Variants in PSME4 observed in about 807,000 individuals in gnomAD.
PSME4 encodes proteasome activator subunit 4.
Under a neutral mutation model 253.9 loss-of-function variants are expected in PSME4, and 89 were observed. That is an observed-to-expected ratio of 0.35 (90% CI 0.30 to 0.42). PSME4 has a LOEUF of 0.42. PSME4 is among the 10% of genes least tolerant of loss of function. The pLI, the probability that PSME4 is intolerant of heterozygous loss-of-function variation, is 1.00. For synonymous variants in PSME4, 851 were observed against 759.2 expected (o/e 1.12, Z -1.99); for missense variants, 2,014 against 2,195.2 (o/e 0.92, Z 1.65).
At chr2:53,879,397 A>G (rs191601726) in intron 41 of PSME4, among the ~76,000 whole-genome samples, 1 of 152,336 alleles carries the variant, frequency 6.6e-6, no homozygotes, top group Admixed American at 6.5e-5. Flanking sequence ...TCTTCAGAAA[A>G]AAAGCAAAAG....
At chr2:53,939,641 C>G (rs1167601566) in intron 4 of PSME4, among the ~76,000 whole-genome samples, 1 of 152,116 alleles carries the variant, frequency 6.6e-6, no homozygotes, top group Non-Finnish European at 1.5e-5. Flanking sequence ...AAGTTATGAA[C>G]CACCTTCTTG....
Position 53,875,622 on chromosome 2 carries a change from C to A in PSME4, c.4944+5G>T. 1 of 1,599,352 alleles carries A rather than the reference C, an allele frequency of 6.3e-7. No homozygotes were observed. Among genetic ancestry groups the A allele is most frequent in the Non-Finnish European group, 8.5e-7 (1 of 1,175,794 alleles). Reference sequence around the variant, plus strand: ...AAAAGACATAAATATTATAAACACTCTTACTTGTTTTAGCACCTGAAGTAC... The same window carrying A: ...AAAAGACATAAATATTATAAACACTATTACTTGTTTTAGCACCTGAAGTAC... On this transcript the variant is annotated splice_donor_5th_base_variant and intron_variant, in intron 42 of 46. Transcript: ENST00000404125.
At chr2:53,915,888 T>C (rs925462106) in intron 20 of PSME4, among the ~76,000 whole-genome samples, 1 of 151,986 alleles carries the variant, frequency 6.6e-6, no homozygotes, top group African/African-American at 2.4e-5. Flanking sequence ...CTGGCCAACA[T>C]GGTGAAACCC....
At chr2:53,935,624 A>C (rs1040236979) in intron 7 of PSME4, among the ~76,000 whole-genome samples, 1 of 152,218 alleles carries the variant, frequency 6.6e-6, no homozygotes, top group Non-Finnish European at 1.5e-5. Flanking sequence ...GAAGGTACAA[A>C]TGTATGATGC....
intron 1 of PSME4, among the ~76,000 whole-genome samples, chr2:53,965,813 G>A (rs1573390348): frequency 1.3e-5 from 2 of 151,936 alleles, no homozygotes; most frequent in African/African-American, 4.8e-5. Flanking sequence ...GGGACTACAG[G>A]CACCCGCCAT....
intron 44 of PSME4, among the ~76,000 whole-genome samples, chr2:53,868,338 G>C (rs914972258): frequency 6.6e-6 from 1 of 151,020 alleles, no homozygotes; most frequent in African/African-American, 2.4e-5. Flanking sequence ...TGCAATCCTA[G>C]CTACTCGGCT....
intron 1 of PSME4, among the ~76,000 whole-genome samples, chr2:53,958,744 T>C (rs994135201): frequency 2.0e-5 from 3 of 151,250 alleles, no homozygotes; most frequent in Non-Finnish European, 2.9e-5. Flanking sequence ...GCTATGATTA[T>C]ACCTAAAACA....
At chr2:53,949,019 T>C in intron 2 of PSME4, 124 bp downstream of exon 2, 5 of 1,257,014 alleles carry the variant, frequency 4.0e-6, no homozygotes, top group Non-Finnish European at 5.4e-6. Flanking sequence ...TAATGTTTTT[T>C]GCAATCATTT....
rs757518882 is a variant in PSME4, at chr2:53,949,139, T to C, written c.383+4A>G. Reference sequence around the variant, plus strand: ...TTAACAGAAACCTCTGGAAAAAGACTTACTTTAACAAGTTGATCAAAAGGC... The same window carrying C: ...TTAACAGAAACCTCTGGAAAAAGACCTACTTTAACAAGTTGATCAAAAGGC... On this transcript the variant is annotated splice_donor_region_variant and intron_variant, in intron 2 of 46. Transcript: ENST00000404125. 2.5e-6 allele frequency: 4 copies of C among 1,585,748 alleles called. No individual in the cohort carries two copies. Among genetic ancestry groups the C allele is most frequent in the Middle Eastern group, 1.7e-4 (1 of 5,986 alleles).
At chr2:53,958,216 C>T (rs981973979) in intron 1 of PSME4, among the ~76,000 whole-genome samples, 14 of 149,868 alleles carry the variant, frequency 9.3e-5, no homozygotes, top group African/African-American at 3.2e-4. Context: ...ATTAGCCGGG[C>T]ATGGTGGCGT....
chr2:53,946,589 T>G (rs1295594933), intron 3 of PSME4, among the ~76,000 whole-genome samples: 1 of 152,164 alleles, frequency 6.6e-6, no homozygotes, highest in Admixed American at 6.5e-5. Context: ...TGTATTCAAT[T>G]TTGAGTTTTC....
At chr2:53,925,825 T>C in intron 13 of PSME4, 134 bp downstream of exon 13, 1 of 1,251,070 alleles carries the variant, frequency 8.0e-7, no homozygotes, top group Middle Eastern at 1.9e-4. Flanking sequence ...ACAAATCGAT[T>C]ATCCTTTTAT....
At chr2:53,867,645 G>C (rs545203369) in intron 44 of PSME4, among the ~76,000 whole-genome samples, 4 of 147,362 alleles carry the variant, frequency 2.7e-5, no homozygotes, top group African/African-American at 1.0e-4. Flanking sequence ...ACTCCAAGGA[G>C]GGCGATAGAG....
rs1183214692 is a variant in PSME4 at position 53,888,787 on chromosome 2, T to C, written c.4322A>G (p.His1441Arg). 1 of 1,612,766 alleles carries C rather than the reference T, an allele frequency of 6.2e-7. No individual in the cohort carries two copies. Among genetic ancestry groups the C allele is most frequent in the Non-Finnish European group, 8.5e-7 (1 of 1,178,984 alleles). Residue 1441 changes from histidine (H) to arginine (R), a missense_variant, in exon 38 of 47, where the codon CAC becomes CGC. This residue lies in a region of PSME4 where 403 missense variants were observed against 556.1 expected (regional missense o/e 0.72). Coordinates refer to ENST00000404125, the MANE Select transcript of PSME4 (RefSeq NM_014614.3). ...SCESRDPRKLHWLFELLLESP... is the reference protein window; with the variant it reads ...SCESRDPRKLRWLFELLLESP... ...TTCCAACAGCAGTTCAAAAAGCCAG[T>C]GAAGTTTCCGGGGATCTCTGCTTTC...
chr2:53,920,764 A>G (rs892215466), intron 18 of PSME4, 125 bp downstream of exon 18: 16 of 818,940 alleles, frequency 2.0e-5, no homozygotes, highest in Non-Finnish European at 2.5e-5. Context: ...ACATATTCCA[A>G]TAATAGTTTC....
intron 28 of PSME4, among the ~76,000 whole-genome samples, chr2:53,900,284 C>T (rs1229974981): frequency 2.0e-5 from 3 of 151,894 alleles, no homozygotes; most frequent in African/African-American, 4.8e-5. Context: ...GGAGGCCAGA[C>T]ATGGTGGCTC....
chr2:53,948,141 A>C (rs1157776767), intron 3 of PSME4, among the ~76,000 whole-genome samples: 2 of 152,246 alleles, frequency 1.3e-5, no homozygotes, highest in African/African-American at 2.4e-5. Context: ...AGGGCAGATG[A>C]TATTTTATTA....
chr2:53,923,913 C>CAAAAAAAAAAAAAAAAA (rs199929436), intron 14 of PSME4, among the ~76,000 whole-genome samples: 1 of 96,878 alleles, frequency 1.0e-5, no homozygotes, highest in African/African-American at 4.5e-5. Flanking sequence ...ACAGAGTTAA[C>CAAAAAAAAAAAAAAAAA]AAAAAAAAAA....
intron 1 of PSME4, among the ~76,000 whole-genome samples, chr2:53,958,073 C>A (rs926553975): frequency 6.6e-6 from 1 of 151,526 alleles, no homozygotes; most frequent in Non-Finnish European, 1.5e-5. Flanking sequence ...GTAGTCCCAG[C>A]TACTCAGGAG....
Sources: allele counts gnomAD v4.1 joint callset (sites outside exome capture counted in the v4.1 genomes callset), GRCh38; gene constraint gnomAD v4.1.1; regional missense constraint gnomAD v4.1.1; transcripts MANE v1.5; gene names NCBI Gene and HGNC (gene_info 2026-07-23, HGNC 2026-07-21).